EYS: variants seen among roughly 807,000 people sequenced by gnomAD.
EYS encodes the protein protein eyes shut homolog.
In EYS, 250 loss-of-function variants were observed where a neutral mutation model predicts 282.1. The ratio of observed to expected loss-of-function variants is 0.89; its 90% CI spans 0.80 to 0.98. The LOEUF (loss-of-function observed/expected upper bound fraction) is 0.98. Ranked by LOEUF, EYS falls within the 50% of genes least tolerant of loss-of-function variation. The pLI is 0.00. For missense variants in EYS, 4,016 were observed against 3,709.0 expected, an observed-to-expected ratio of 1.08 and a Z score of -2.15; for synonymous variants, 1,355 against 1,282.9, an observed-to-expected ratio of 1.06 and a Z score of -1.20.
intron 19 of EYS, among the ~76,000 whole-genome samples, chr6:64,842,897 T>A (rs1195937437): frequency 6.6e-6 from 1 of 152,084 alleles, no homozygotes; most frequent in African/African-American, 2.4e-5. Flanking sequence ...GAAAACCCCA[T>A]TTTTTGAGGA....
At chr6:65,010,485 A>G (rs993978725) in intron 13 of EYS, among the ~76,000 whole-genome samples, 1 of 152,230 alleles carries the variant, frequency 6.6e-6, no homozygotes, top group Non-Finnish European at 1.5e-5. Context: ...AAGATAGAAC[A>G]TAACTGTCAA....
chr6:64,617,697 T>C (rs1056687634), intron 23 of EYS, among the ~76,000 whole-genome samples, 164 bp from the exon 24 acceptor site: 2 of 152,316 alleles, frequency 1.3e-5, no homozygotes, highest in African/African-American at 4.8e-5. Context: ...CAGGTAGCTC[T>C]TATTCTATCT....
Position 64,868,872 on chromosome 6 carries a change from C to T in EYS, c.2992+17825G>A, listed in dbSNP as rs1024284626. Among the ~76,000 whole-genome samples the T allele has an allele frequency of 2.0e-4, 31 of 151,476 alleles. 1 individual carries two copies. Among genetic ancestry groups the T allele is most frequent in the Admixed American group, 6.6e-4 (10 of 15,192 alleles). ...TCATTCTTTACATGATTACTACAAA[C>T]GGACTTGCACGAGACTTTTTAAGCT... On this transcript the variant is annotated intron_variant, in intron 19 of 42. Transcript: ENST00000503581.
At chr6:64,391,984 T>G (rs1361840490) in intron 28 of EYS, among the ~76,000 whole-genome samples, 2 of 151,732 alleles carry the variant, frequency 1.3e-5, no homozygotes, top group East Asian at 1.9e-4. Flanking sequence ...TCCTAGTCTC[T>G]GATAAAACAG....
At chr6:64,310,340 C>T (rs2150377932) in intron 29 of EYS, among the ~76,000 whole-genome samples, 1 of 152,224 alleles carries the variant, frequency 6.6e-6, no homozygotes, top group East Asian at 1.9e-4. Flanking sequence ...CCAAAATACC[C>T]AGCAATAATA....
intron 29 of EYS, among the ~76,000 whole-genome samples, chr6:64,382,180 A>G (rs1333206524): frequency 6.6e-6 from 1 of 151,982 alleles, no homozygotes; most frequent in African/African-American, 2.4e-5. Context: ...TTTCTGCCTG[A>G]TATTGAATTA....
At chr6:64,577,751 G>A (rs901602695) in intron 26 of EYS, among the ~76,000 whole-genome samples, 1 of 152,046 alleles carries the variant, frequency 6.6e-6, no homozygotes. Context: ...GTTGTAATAA[G>A]GAATGTCATT....
intron 22 of EYS, among the ~76,000 whole-genome samples, chr6:64,718,610 T>G (rs1771473481): frequency 6.6e-6 from 1 of 152,238 alleles, no homozygotes; most frequent in African/African-American, 2.4e-5. Context: ...TGTGTGATTT[T>G]GCATAGCACA....
At chr6:65,374,976 C>T (rs4407693) in intron 8 of EYS, among the ~76,000 whole-genome samples, 30,840 of 152,162 alleles carry the variant, frequency 0.2, 3,915 homozygotes, top group Non-Finnish European at 0.27. Flanking sequence ...TTAAGCATTC[C>T]TGCCTGTCAG....
At chr6:64,955,029 A>C (rs1211217857) in intron 14 of EYS, among the ~76,000 whole-genome samples, 3 of 151,782 alleles carry the variant, frequency 2.0e-5, no homozygotes, top group African/African-American at 7.3e-5. Context: ...CAAAACAAAA[A>C]ATTAGCCGGG....
chr6:64,703,274 T>A (rs1046388457), intron 22 of EYS, among the ~76,000 whole-genome samples: 5 of 151,048 alleles, frequency 3.3e-5, no homozygotes, highest in African/African-American at 1.2e-4. Flanking sequence ...TTAATATCCT[T>A]GTTGTATTGA....
intron 5 of EYS, among the ~76,000 whole-genome samples, chr6:65,440,750 A>C (rs1256784890): frequency 6.6e-6 from 1 of 150,742 alleles, no homozygotes; most frequent in African/African-American, 2.4e-5. Flanking sequence ...TTTTTTTGAT[A>C]TGGCTAATAA....
intron 31 of EYS, among the ~76,000 whole-genome samples, chr6:64,102,651 A>T (rs1772871141): frequency 6.6e-6 from 1 of 152,190 alleles, no homozygotes; most frequent in South Asian, 2.1e-4. Flanking sequence ...TTTATTTTAC[A>T]ATAGATTATA....
At chr6:64,566,713 T>G (rs1765576603) in intron 26 of EYS, among the ~76,000 whole-genome samples, 1 of 152,084 alleles carries the variant, frequency 6.6e-6, no homozygotes, top group Non-Finnish European at 1.5e-5. Context: ...AAAGAAAACA[T>G]GTAGGGAAAT....
At chr6:64,811,406 A>C (rs1490125330) in intron 22 of EYS, among the ~76,000 whole-genome samples, 1 of 143,986 alleles carries the variant, frequency 6.9e-6, no homozygotes, top group African/African-American at 2.5e-5. Flanking sequence ...CCTGAATTCT[A>C]CTGGCTTCAT....
chr6:64,448,342 T>C (rs1775192460), intron 26 of EYS, among the ~76,000 whole-genome samples: 1 of 152,034 alleles, frequency 6.6e-6, no homozygotes, highest in African/African-American at 2.4e-5. Context: ...CTTGAGTAGG[T>C]AAACAAAGTG....
chr6:65,358,443 A>C (rs181307033), intron 8 of EYS, among the ~76,000 whole-genome samples: 94 of 152,098 alleles, frequency 6.2e-4, no homozygotes, highest in Non-Finnish European at 1.1e-3. Context: ...TGTCTACTGA[A>C]CTACTCATTC....
At chr6:64,782,113 C>A (rs1428807095) in intron 22 of EYS, among the ~76,000 whole-genome samples, 1 of 152,110 alleles carries the variant, frequency 6.6e-6, no homozygotes, top group African/African-American at 2.4e-5. Flanking sequence ...CTTGGAAACA[C>A]TAAGGTTGGT....
intron 12 of EYS, among the ~76,000 whole-genome samples, chr6:65,175,279 C>T (rs1765198091): frequency 6.6e-6 from 1 of 151,260 alleles, no homozygotes; most frequent in South Asian, 2.1e-4. Flanking sequence ...AAACAGTTTT[C>T]AGACATTTGG....
Sources: gnomAD v4.1 joint callset for allele counts (sites outside exome capture counted in the v4.1 genomes callset) on GRCh38, gnomAD v4.1.1 for gene constraint, MANE v1.5 for transcripts, NCBI Gene and HGNC (gene_info 2026-07-23, HGNC 2026-07-21) for gene names.